The following ADAMTS12 variants were observed in gnomAD, a reference collection of about 807,000 sequenced individuals.
ADAMTS12 encodes the protein A disintegrin and metalloproteinase with thrombospondin motifs 12.
In ADAMTS12, 118 loss-of-function variants were observed where a neutral mutation model predicts 167.8. The observed-to-expected ratio is 0.70, with a 90% CI of 0.61 to 0.82. ADAMTS12 has a LOEUF of 0.82. Ranked by LOEUF, ADAMTS12 falls within the 40% of genes least tolerant of loss-of-function variation. The pLI, the probability that ADAMTS12 is intolerant of heterozygous loss-of-function variation, is 0.00. For synonymous variants in ADAMTS12, 704 were observed against 716.9 expected (o/e 0.98, Z 0.29); for missense variants, 1,916 against 1,998.8 (o/e 0.96, Z 0.79).
chr5:33,806,277 C>T (rs1235844757), intron 2 of ADAMTS12, among the ~76,000 whole-genome samples: 1 of 152,112 alleles, frequency 6.6e-6, no homozygotes, highest in African/African-American at 2.4e-5. Flanking sequence ...TCCCCTTACT[C>T]CCAATATACA....
At chr5:33,728,220 A>G (rs931248861) in intron 3 of ADAMTS12, among the ~76,000 whole-genome samples, 4 of 152,266 alleles carry the variant, frequency 2.6e-5, no homozygotes, top group Admixed American at 1.3e-4. Context: ...GCAGAAGGAC[A>G]TTATCCCACT....
At chr5:33,709,213 G>T (rs1743305025) in intron 3 of ADAMTS12, among the ~76,000 whole-genome samples, 1 of 152,174 alleles carries the variant, frequency 6.6e-6, no homozygotes, top group Admixed American at 6.5e-5. Flanking sequence ...ACAGATGCTG[G>T]TGAGGCTGTG....
intron 5 of ADAMTS12, among the ~76,000 whole-genome samples, chr5:33,675,829 C>A (rs1741881267): frequency 6.6e-6 from 1 of 152,082 alleles, no homozygotes; most frequent in African/African-American, 2.4e-5. Context: ...ATCACAGAAG[C>A]CTTGAGAATA....
At chr5:33,847,340 C>T (rs928708156) in intron 2 of ADAMTS12, among the ~76,000 whole-genome samples, 3 of 152,096 alleles carry the variant, frequency 2.0e-5, no homozygotes. Context: ...CAGGAAGTTT[C>T]GGCCAGGCAC....
intron 18 of ADAMTS12, among the ~76,000 whole-genome samples, chr5:33,579,212 T>G (rs146496270): frequency 1.5e-4 from 23 of 152,334 alleles, no homozygotes; most frequent in Middle Eastern, 3.4e-3. Context: ...ATTTATTACA[T>G]TCTAATCTGA....
At chr5:33,567,585 G>T (rs1278982741) in intron 19 of ADAMTS12, among the ~76,000 whole-genome samples, 1 of 152,124 alleles carries the variant, frequency 6.6e-6, no homozygotes, top group African/African-American at 2.4e-5. Flanking sequence ...ACAAGTAGCT[G>T]GACTGCCTTT....
At chr5:33,790,825 A>G (rs1162117354) in intron 2 of ADAMTS12, among the ~76,000 whole-genome samples, 1 of 150,160 alleles carries the variant, frequency 6.7e-6, no homozygotes, top group Non-Finnish European at 1.5e-5. Context: ...GTTGATATAT[A>G]TATGGCTAAG....
At chr5:33,578,142 G>A (rs1041230712) in intron 18 of ADAMTS12, among the ~76,000 whole-genome samples, 1 of 152,170 alleles carries the variant, frequency 6.6e-6, no homozygotes, top group African/African-American at 2.4e-5. Context: ...CTTGAGCACA[G>A]ACCACCCAGG....
intron 3 of ADAMTS12, among the ~76,000 whole-genome samples, chr5:33,687,528 G>GA (rs1742379097): frequency 6.6e-6 from 1 of 152,352 alleles, no homozygotes; most frequent in Middle Eastern, 3.4e-3. Flanking sequence ...AGGAGTATGT[G>GA]ACGTGATCCT....
intron 3 of ADAMTS12, among the ~76,000 whole-genome samples, chr5:33,688,874 C>T (rs2112272864): frequency 6.6e-6 from 1 of 151,930 alleles, no homozygotes; most frequent in African/African-American, 2.4e-5. Flanking sequence ...AGGATTTCTG[C>T]CCAGCCCACG....
intron 5 of ADAMTS12, among the ~76,000 whole-genome samples, chr5:33,664,777 C>T (rs2112223762): frequency 6.6e-6 from 1 of 152,144 alleles, no homozygotes; most frequent in Non-Finnish European, 1.5e-5. Context: ...ACCATATGAT[C>T]CCAGAATCCC....
At chr5:33,540,842 A>G (rs1277478671) in intron 22 of ADAMTS12, among the ~76,000 whole-genome samples, 1 of 152,256 alleles carries the variant, frequency 6.6e-6, no homozygotes, top group Non-Finnish European at 1.5e-5. Flanking sequence ...CACCAACATC[A>G]AAGACCAAAA....
chr5:33,887,756 C>CTT (rs533866175), intron 1 of ADAMTS12, among the ~76,000 whole-genome samples: 1 of 144,598 alleles, frequency 6.9e-6, no homozygotes. Flanking sequence ...AGTAGTTATT[C>CTT]TTTTTTTTTT....
intron 3 of ADAMTS12, among the ~76,000 whole-genome samples, chr5:33,711,054 A>C (rs77752296): frequency 0.013 from 1,986 of 152,226 alleles, 44 homozygotes; most frequent in African/African-American, 0.046. Context: ...CTTGCAGTGA[A>C]GATTCCAATA....
Position 33,635,354 on chromosome 5 carries a change from T to A in ADAMTS12, c.1888+2223A>T, listed in dbSNP as rs541601114. ...AGGGAAAATTCAAAATTCAGTGCAT[T>A]GGTCTTAAGGAAATGAACTTAACCC... On this transcript the variant is annotated intron_variant, in intron 12 of 23. Transcript: ENST00000504830. Among the ~76,000 whole-genome samples the A allele has an allele frequency of 3.9e-5, 6 of 152,254 alleles. No individual in the cohort carries two copies. The South Asian group carries it at 1.2e-3, about 32-fold the overall frequency.
chr5:33,539,728 ATT>A (rs1461190519), intron 22 of ADAMTS12, among the ~76,000 whole-genome samples: 2 of 152,204 alleles, frequency 1.3e-5, no homozygotes, highest in Non-Finnish European at 2.9e-5. Flanking sequence ...AGTATAGATT[ATT>A]TTTGTAATCA....
At chr5:33,767,011 A>G (rs1745558611) in intron 2 of ADAMTS12, among the ~76,000 whole-genome samples, 1 of 152,218 alleles carries the variant, frequency 6.6e-6, no homozygotes, top group Non-Finnish European at 1.5e-5. Flanking sequence ...CCACTGCATT[A>G]TTGATAATGA....
At chr5:33,746,995 C>A (rs933636166) in intron 3 of ADAMTS12, among the ~76,000 whole-genome samples, 12 of 152,266 alleles carry the variant, frequency 7.9e-5, no homozygotes, top group Admixed American at 4.6e-4. Context: ...ACTGCATGAG[C>A]CAATTTCTTG....
chr5:33,600,158 A>G (rs1488774310), intron 16 of ADAMTS12, among the ~76,000 whole-genome samples: 2 of 152,234 alleles, frequency 1.3e-5, no homozygotes, highest in African/African-American at 4.8e-5. Context: ...ATTCCAAAAT[A>G]TATGAGAACT....
Sources: gnomAD v4.1 joint callset for allele counts (sites outside exome capture counted in the v4.1 genomes callset) on GRCh38, gnomAD v4.1.1 for gene constraint, MANE v1.5 for transcripts, NCBI Gene and HGNC (gene_info 2026-07-23, HGNC 2026-07-21) for gene names.